TDRD12: variants seen among roughly 807,000 people sequenced by gnomAD.
TDRD12 encodes putative ATP-dependent RNA helicase TDRD12.
A neutral mutation model predicts 133.5 loss-of-function variants in TDRD12; 158 were observed. The ratio of observed to expected loss-of-function variants is 1.18; its 90% CI spans 1.04 to 1.35. The LOEUF (loss-of-function observed/expected upper bound fraction) is 1.35. TDRD12 is among the 40% of genes most tolerant of loss of function. The probability of loss-of-function intolerance (pLI) is 0.00; values close to 1 mark genes in which losing one functional copy is unlikely to be tolerated. For missense variants in TDRD12, 1,443 were observed against 1,321.3 expected, an observed-to-expected ratio of 1.09 and a Z score of -1.43; for synonymous variants, 460 against 477.9, an observed-to-expected ratio of 0.96 and a Z score of 0.49.
intron 14 of TDRD12, among the ~76,000 whole-genome samples, chr19:32,796,364 G>A (rs1404651927): frequency 1.3e-5 from 2 of 152,232 alleles, no homozygotes; most frequent in East Asian, 1.9e-4. Context: ...CGAGGCAGGC[G>A]GATCACGAGA....
At position 32,820,934 on chromosome 19, in the gene TDRD12, G is replaced by A. The variant is rs1177756299; in HGVS notation, c.3384-99G>A. On this transcript the variant is annotated intron_variant, in intron 27 of 27. Coordinates refer to ENST00000444215, the Ensembl canonical transcript of TDRD12. ...AAGCTCTACGTGGGTCTGACTCCACGGCCACAGGCACTTCACGGTCATTTA... is the reference window on the plus strand; with the variant it reads ...AAGCTCTACGTGGGTCTGACTCCACAGCCACAGGCACTTCACGGTCATTTA... 1.2e-5 allele frequency: 11 copies of A among 934,928 alleles called. 1 individual carries two copies. Among genetic ancestry groups the A allele is most frequent in the Middle Eastern group, 3.3e-4 (1 of 3,060 alleles). 57.9% of individuals were successfully genotyped at this position (934,928 alleles called of 1,614,324 possible). A position where few individuals can be genotyped will look rare whatever the true frequency, so the allele number is the denominator to read the frequency against.
At chr19:32,819,523 G>A (rs534670110) in intron 27 of TDRD12, among the ~76,000 whole-genome samples, 2 of 151,778 alleles carry the variant, frequency 1.3e-5, no homozygotes, top group Non-Finnish European at 2.9e-5. Flanking sequence ...ATGAGGTTTG[G>A]TGGCTTATGG....
At position 32,782,333 on chromosome 19, in the gene TDRD12, A is replaced by C. The variant is rs560493398; in HGVS notation, c.1121+5104A>C. ...ATGGCTGCATAGTATTCCATGGTGT[A>C]TATGTGCCACATTTTCTTAATCCAG... On this transcript the variant is annotated intron_variant, in intron 11 of 27. Transcript: ENST00000444215. 3.2e-4 allele frequency among the ~76,000 whole-genome samples: 49 copies of C among 152,262 alleles called. 1 individual carries two copies. In the South Asian group the frequency reaches 1.0e-2, roughly 31 times the overall value.
exon 13 of TDRD12, chr19:32,791,058 A>T (rs1478937661): frequency 6.5e-7 from 1 of 1,535,156 alleles, no homozygotes; most frequent in East Asian, 2.4e-5. Flanking sequence ...CTGTCAGCAG[A>T]CCTGAAGAAG....
At chr19:32,765,335 T>TC (rs1386531743) in intron 8 of TDRD12, among the ~76,000 whole-genome samples, 1 of 152,142 alleles carries the variant, frequency 6.6e-6, no homozygotes, top group Non-Finnish European at 1.5e-5. Flanking sequence ...GTGTGGCGAT[T>TC]CCCCAGGGAT....
intron 11 of TDRD12, among the ~76,000 whole-genome samples, chr19:32,779,175 G>A (rs1391958843): frequency 6.6e-6 from 1 of 152,128 alleles, no homozygotes; most frequent in Non-Finnish European, 1.5e-5. Flanking sequence ...CCGCATTGCC[G>A]CATCCCCAAA....
chr19:32,801,629 A>G (rs1422183675), intron 18 of TDRD12, 127 bp from the exon 19 acceptor site: 2 of 389,714 alleles, frequency 5.1e-6, no homozygotes, highest in Admixed American at 4.5e-5. Flanking sequence ...CTTAAGAATT[A>G]TGGGATCAGT....
rs370831826 is a variant in TDRD12, at chr19:32,753,794, G to A, written c.583-2198G>A. ...GGCCTCCCAAAGTGTTGGGATTACA[G>A]GTGTGAGCCACCACGCCCGGCTGGC... On this transcript the variant is annotated intron_variant, in intron 6 of 27. Coordinates refer to ENST00000444215, the Ensembl canonical transcript of TDRD12. Among the ~76,000 whole-genome samples, 90 of 151,458 alleles carry A rather than the reference G, an allele frequency of 5.9e-4. No homozygotes were observed. The South Asian group carries it at 0.018, about 30-fold the overall frequency.
intron 3 of TDRD12, 102 bp downstream of exon 3, chr19:32,739,094 G>T: frequency 7.3e-7 from 1 of 1,372,746 alleles, no homozygotes; most frequent in Admixed American, 2.5e-5. Context: ...TCACTACACT[G>T]AGAAAAGACA....
At chr19:32,752,300 C>T (rs916578728) in intron 6 of TDRD12, among the ~76,000 whole-genome samples, 1 of 152,164 alleles carries the variant, frequency 6.6e-6, no homozygotes, top group Admixed American at 6.5e-5. Context: ...CTGCCTCAGC[C>T]CCCTGAGTAG....
intron 11 of TDRD12, among the ~76,000 whole-genome samples, chr19:32,788,908 T>C (rs1970987218): frequency 6.6e-6 from 1 of 152,208 alleles, no homozygotes; most frequent in Admixed American, 6.5e-5. Context: ...TCCTGGGAGC[T>C]GAGTGGGAGG....
At position 32,777,231 on chromosome 19, in the gene TDRD12, T is replaced by G; in HGVS notation, c.1121+2T>G. On this transcript the variant is annotated splice_donor_variant, in intron 11 of 27. Coordinates refer to ENST00000444215, the Ensembl canonical transcript of TDRD12. LOFTEE classifies it high-confidence loss of function. ...TGATGAGAAGAATAGCTGTGTGAAG[T>G]AAGAATTTTTTCCTTGGCCTGAATT... is the stretch of plus-strand genomic sequence containing the variant. The G allele has an allele frequency of 1.3e-6, 2 of 1,512,638 alleles. No homozygotes were observed. The highest frequency in any genetic ancestry group is 1.8e-6 in the Non-Finnish European group (2 of 1,128,630). 93.7% of individuals were successfully genotyped at this position (1,512,638 alleles called of 1,614,324 possible). A position where few individuals can be genotyped will look rare whatever the true frequency, so the allele number is the denominator to read the frequency against.
chr19:32,761,071 G>A (rs1035717529), intron 8 of TDRD12, among the ~76,000 whole-genome samples: 38 of 152,144 alleles, frequency 2.5e-4, no homozygotes, highest in African/African-American at 9.2e-4. Context: ...TCAAAGAGAC[G>A]TCGTTCAGCA....
downstream of TDRD12, among the ~76,000 whole-genome samples, chr19:32,824,879 A>G (rs944445819): frequency 3.3e-5 from 5 of 152,020 alleles, no homozygotes; most frequent in African/African-American, 1.2e-4. Flanking sequence ...GGATAAATCA[A>G]CCTCGAGTCG....
At chr19:32,774,652 A>G (rs775367511) in intron 10 of TDRD12, among the ~76,000 whole-genome samples, 1 of 152,032 alleles carries the variant, frequency 6.6e-6, no homozygotes, top group Non-Finnish European at 1.5e-5. Context: ...ACTGCTTTTC[A>G]GATTTTCTTT....
intron 22 of TDRD12, among the ~76,000 whole-genome samples, chr19:32,809,182 C>G (rs1260083461): frequency 6.6e-6 from 1 of 152,144 alleles, no homozygotes; most frequent in Non-Finnish European, 1.5e-5. Context: ...GCCCTGTTCC[C>G]CTCCTGAACT....
chr19:32,798,419 T>G, exon 16 of TDRD12: 1 of 1,535,288 alleles, frequency 6.5e-7, no homozygotes, highest in Middle Eastern at 1.7e-4. Context: ...GTGCTATTCT[T>G]GGAAGCCAAT....
At chr19:32,721,852 C>T (rs1278479285) in intron 1 of TDRD12, among the ~76,000 whole-genome samples, 1 of 151,256 alleles carries the variant, frequency 6.6e-6, no homozygotes, top group Non-Finnish European at 1.5e-5. Flanking sequence ...GGACTACAGG[C>T]GGCCACCACC....
At chr19:32,746,004 GAGAGAA>G (rs1969605561) in intron 4 of TDRD12, among the ~76,000 whole-genome samples, 1 of 150,868 alleles carries the variant, frequency 6.6e-6, no homozygotes, top group South Asian at 2.1e-4. Flanking sequence ...GTGTGTGAGA[GAGAGAA>G]GGAGAGAGAC....
Sources: gnomAD v4.1 joint callset for allele counts (sites outside exome capture counted in the v4.1 genomes callset) on GRCh38, gnomAD v4.1.1 for gene constraint, MANE v1.5 for transcripts, NCBI Gene and HGNC (gene_info 2026-07-23, HGNC 2026-07-21) for gene names.